Variants in DOK4 observed in about 807,000 individuals in gnomAD.
DOK4 encodes the protein downstream of tyrosine kinase 4.
A neutral mutation model predicts 40.1 loss-of-function variants in DOK4; 26 were observed. The observed-to-expected ratio is 0.65, with a 90% CI of 0.48 to 0.90. The LOEUF (loss-of-function observed/expected upper bound fraction) is 0.90. Among genes scored for constraint, DOK4 ranks in the 40% least tolerant of loss-of-function variants. The pLI, the probability that DOK4 is intolerant of heterozygous loss-of-function variation, is 0.00. For missense variants in DOK4, 392 were observed against 437.2 expected (o/e 0.90, Z 0.92); for synonymous variants, 179 against 177.0 (o/e 1.01, Z -0.09).
intron 1 of DOK4, chr16:57,480,481 G>A (rs1357586021): frequency 1.3e-5 from 2 of 153,146 alleles, no homozygotes; most frequent in Non-Finnish European, 2.9e-5. Context: ...TAGCCACTGT[G>A]GGAGCAGACG....
intron 1 of DOK4, chr16:57,481,744 C>A (rs1296907948): frequency 6.6e-6 from 1 of 152,250 alleles, no homozygotes; most frequent in African/African-American, 2.4e-5. Context: ...CCGCTTAAGA[C>A]CCTGTGCCTT....
exon 8 of DOK4, chr16:57,473,658 G>T (rs772393492): frequency 6.2e-7 from 1 of 1,614,214 alleles, no homozygotes; most frequent in Non-Finnish European, 8.5e-7. Flanking sequence ...CCAGTGATGT[G>T]GTGCCAGTAG....
Position 57,474,656 on chromosome 16 carries a change from A to G in DOK4, c.599+137T>C, listed in dbSNP as rs1598049598. The stretch of plus-strand genomic sequence containing the variant: ...TCCATTTCATTTCTTCGTCTGTAAA[A>G]TGGGAACATTACATTCCCCCTTGGG... On this transcript the variant is annotated intron_variant, in intron 6 of 8. Coordinates refer to ENST00000340099, the Ensembl canonical transcript of DOK4. 3.6e-6 allele frequency: 4 copies of G among 1,118,322 alleles called. No individual in the cohort carries two copies. In the South Asian group the frequency reaches 4.6e-5, roughly 13 times the overall value. 69.3% of individuals were successfully genotyped at this position (1,118,322 alleles called of 1,614,324 possible).
rs1323112625 is a variant in DOK4 at position 57,479,070 on chromosome 16, G to A, written c.66+372C>T. Among the ~76,000 whole-genome samples, 1 of 152,210 alleles carries A rather than the reference G, an allele frequency of 6.6e-6. No homozygotes were observed. Among genetic ancestry groups the A allele is most frequent in the African/African-American group, 2.4e-5 (1 of 41,462 alleles). On this transcript the variant is annotated intron_variant, in intron 2 of 8. Coordinates refer to ENST00000340099, the Ensembl canonical transcript of DOK4. This position sits in a 1 kb window ranked among gnomAD's most constrained non-coding sequence, Gnocchi z 5.8. ...CGGAAGGGAGAGGAGGCCAGGGGAA[G>A]TGAGACGCTGCTTCTCAGCTCAGAC...
At position 57,473,706 on chromosome 16, in the gene DOK4, A is replaced by G. The variant is rs1235940028; in HGVS notation, c.769T>C (p.Tyr257His). The change falls in exon 8 of 9, where the codon TAT becomes CAT. Residue 257 changes from tyrosine to histidine, a missense_variant. Coordinates refer to ENST00000340099, the Ensembl canonical transcript of DOK4. ...AGCATGGTCGTGGGTGTGCAGGGAT[A>G]CGAGTAATGTTCCGTGCCCTTGTTC... 4 of 1,613,746 alleles carry G rather than the reference A, an allele frequency of 2.5e-6. No homozygotes were observed. The African/African-American group carries it at 4.0e-5, about 16-fold the overall frequency.
intron 4 of DOK4, 30 bp downstream of exon 4, chr16:57,475,476 G>A (rs553372530): frequency 5.5e-5 from 87 of 1,568,276 alleles, no homozygotes; most frequent in Non-Finnish European, 7.6e-5. Flanking sequence ...CCCCAGGGGA[G>A]GCAGATGGAG....
chr16:57,478,370 A>G (rs1344308786), intron 2 of DOK4, among the ~76,000 whole-genome samples: 2 of 10,680 alleles, frequency 1.9e-4, no homozygotes, highest in South Asian at 1.7e-3. Flanking sequence ...CATGCCCCCC[A>G]ACCCCACTCA....
At chr16:57,473,473 C>G in exon 9 of DOK4, 1 of 1,614,208 alleles carries the variant, frequency 6.2e-7, no homozygotes, top group Non-Finnish European at 8.5e-7. Context: ...CCGAGCTGGC[C>G]TGGGCTGCCC....
intron 1 of DOK4, among the ~76,000 whole-genome samples, chr16:57,481,284 C>T (rs1036885717): frequency 9.3e-4 from 141 of 152,310 alleles, no homozygotes; most frequent in African/African-American, 2.8e-3. Context: ...GACGGTAATG[C>T]GCCCCTATCC....
Position 57,479,404 on chromosome 16 carries a change from C to T in DOK4, c.66+38G>A, listed in dbSNP as rs2031329901. The T allele has an allele frequency of 6.2e-7, 1 of 1,609,846 alleles. No homozygotes were observed. The highest frequency in any genetic ancestry group is 1.1e-5 in the South Asian group (1 of 90,870). On this transcript the variant is annotated intron_variant, in intron 2 of 8. Coordinates refer to ENST00000340099, the Ensembl canonical transcript of DOK4. The surrounding 1 kb of genome is among the most constrained non-coding windows in gnomAD (Gnocchi z 5.8). ...TGGGACCGAGTCCTCGGGCCCCCAT[C>T]CCTTGGCAGGGCCCCTCCGCAGCTC...
intron 2 of DOK4, among the ~76,000 whole-genome samples, chr16:57,477,861 G>C (rs1263284089): frequency 6.6e-6 from 1 of 152,168 alleles, no homozygotes; most frequent in East Asian, 1.9e-4. Flanking sequence ...TGGCTTCAGA[G>C]GGAAGAGAAT....
chr16:57,477,157 A>G (rs1790650), intron 2 of DOK4, among the ~76,000 whole-genome samples: 82,739 of 152,074 alleles, frequency 0.54, 22,746 homozygotes, highest in Non-Finnish European at 0.59. Flanking sequence ...CCTCGGCCCT[A>G]CTGTGCCATG....
intron 1 of DOK4, among the ~76,000 whole-genome samples, chr16:57,483,237 G>C (rs1025940650): frequency 9.2e-5 from 14 of 152,212 alleles, no homozygotes; most frequent in Admixed American, 2.6e-4. Flanking sequence ...GTGAGGGGGG[G>C]GCCCAGAACC....
At chr16:57,474,802 T>G (rs2031065114) in exon 6 of DOK4, 1 of 1,613,854 alleles carries the variant, frequency 6.2e-7, no homozygotes, top group East Asian at 2.2e-5. Context: ...CCGGCCAGCC[T>G]CGAAGGTAAA....
chr16:57,475,418 G>T, intron 4 of DOK4, 88 bp downstream of exon 4: 1 of 1,407,236 alleles, frequency 7.1e-7, no homozygotes, highest in Non-Finnish European at 9.8e-7. Context: ...CTCCACCCAG[G>T]GTTAGCCCTG....
At chr16:57,477,628 G>C (rs146662633) in intron 2 of DOK4, among the ~76,000 whole-genome samples, 51 of 152,308 alleles carry the variant, frequency 3.3e-4, no homozygotes, top group African/African-American at 1.2e-3. Flanking sequence ...CACAGCCCCA[G>C]GGAGCCACGC....
Position 57,479,454 on chromosome 16 carries a change from G to C in DOK4, c.54C>G (p.Ser18Arg). The C allele has an allele frequency of 6.2e-7, 1 of 1,613,738 alleles. No homozygotes were observed. Among genetic ancestry groups the C allele is most frequent in the Non-Finnish European group, 8.5e-7 (1 of 1,179,926 alleles). ...CAGGGTCACTCACCCCGAGCTTCCTGCTCTTCATCTTCACGTAGCCTTGCT... is the reference window on the plus strand; with the variant it reads ...CAGGGTCACTCACCCCGAGCTTCCTCCTCTTCATCTTCACGTAGCCTTGCT... Residue 18 changes from serine to arginine, a missense_variant, in exon 2 of 9, where the codon AGC becomes AGG. Physicochemically the swap from Ser to Arg is moderately radical, Grantham distance 110. Coordinates refer to ENST00000340099, the Ensembl canonical transcript of DOK4. This position sits in a 1 kb window ranked among gnomAD's most constrained non-coding sequence, Gnocchi z 5.8.
At chr16:57,474,258 T>G (rs1315480587) in intron 6 of DOK4, among the ~76,000 whole-genome samples, 1 of 152,216 alleles carries the variant, frequency 6.6e-6, no homozygotes, top group Non-Finnish European at 1.5e-5. Flanking sequence ...CCATTCAGTT[T>G]TCTCTACCAC....
chr16:57,476,146 A>C, intron 2 of DOK4, 189 bp from the exon 3 acceptor site: 1 of 586,170 alleles, frequency 1.7e-6, no homozygotes. Context: ...CTCCTCCCCA[A>C]ATTGAAAAGT....
Sources: allele counts gnomAD v4.1 joint callset (sites outside exome capture counted in the v4.1 genomes callset), GRCh38; gene constraint gnomAD v4.1.1; non-coding constraint Gnocchi (gnomAD v3.1); transcripts MANE v1.5; gene names NCBI Gene and HGNC (gene_info 2026-07-23, HGNC 2026-07-21).